MEMO1: variants seen among roughly 807,000 people sequenced by gnomAD.
MEMO1 encodes protein MEMO1.
In MEMO1, 6 loss-of-function variants were observed where a neutral mutation model predicts 45.2. The observed-to-expected ratio is 0.13, with a 90% CI of 0.07 to 0.26. The LOEUF is 0.26. Ranked by LOEUF, MEMO1 falls within the 10% of genes least tolerant of loss-of-function variation. The probability of loss-of-function intolerance (pLI) is 1.00; values close to 1 mark genes in which losing one functional copy is unlikely to be tolerated. For synonymous variants in MEMO1, 78 were observed against 124.3 expected (o/e 0.63, Z 2.48); for missense variants, 184 against 370.5 (o/e 0.50, Z 4.13).
intron 6 of MEMO1, chr2:31,893,343 G>A: frequency 1.7e-6 from 2 of 1,159,192 alleles, no homozygotes; most frequent in South Asian, 3.5e-5. Flanking sequence ...GAGAAAAAAA[G>A]GAAGCTGGCA....
At chr2:31,993,117 G>A (rs938050806) in intron 2 of MEMO1, among the ~76,000 whole-genome samples, 3 of 152,058 alleles carry the variant, frequency 2.0e-5, no homozygotes, top group Non-Finnish European at 2.9e-5. Context: ...AGACTGCAGC[G>A]AGCTATGACT....
rs910856122 is a variant in MEMO1, at chr2:31,920,706, A to G, written c.325+92T>C. The G allele has an allele frequency of 9.5e-6, 6 of 632,228 alleles. No homozygotes were observed. The African/African-American group carries it at 1.2e-4, about 12-fold the overall frequency. The allele number at this position is 632,228 out of a possible 1,614,324, so 39.2% of individuals were successfully genotyped here. A position where few individuals can be genotyped will look rare whatever the true frequency, so the allele number is the denominator to read the frequency against. On this transcript the variant is annotated intron_variant, in intron 5 of 9. Coordinates refer to ENST00000404530, the MANE Select transcript of MEMO1 (RefSeq NM_001301833.4). ...TTTTTATTTTAAATATTGAGATATT[A>G]CTTATGATATTCATAAGTTTTTAAA...
At chr2:31,988,536 ACT>A (rs932979136) in intron 2 of MEMO1, among the ~76,000 whole-genome samples, 10 of 152,060 alleles carry the variant, frequency 6.6e-5, no homozygotes, top group African/African-American at 2.4e-4. Context: ...ACAAAGCAAG[ACT>A]CTGTCTCGAA....
Position 31,867,968 on chromosome 2 carries a change from CTTT to C in MEMO1, c.*390_*392del, listed in dbSNP as rs372513207. On this transcript the variant is annotated 3_prime_UTR_variant, in exon 10 of 10. Coordinates refer to ENST00000404530, the MANE Select transcript of MEMO1 (RefSeq NM_001301833.4). ...AATTTCTTTATTAAAAAGCTTCCAC[CTTT>C]TTGTTTGTTTGTGTACAATTTGCAA... The C allele has an allele frequency of 0.013, 1,981 of 152,500 alleles. 34 individuals carry two copies. The highest frequency in any genetic ancestry group is 0.046 in the African/African-American group (1,901 of 41,374). 9.4% of individuals were successfully genotyped at this position (152,500 alleles called of 1,614,324 possible). A position where few individuals can be genotyped will look rare whatever the true frequency, so the allele number is the denominator to read the frequency against.
chr2:31,932,984 G>A (rs190071396), intron 3 of MEMO1, among the ~76,000 whole-genome samples: 111 of 151,746 alleles, frequency 7.3e-4, no homozygotes, highest in East Asian at 7.8e-4. Context: ...GGTCTCAAAA[G>A]GTATATGAAA....
At chr2:31,930,224 T>C (rs1050650221) in intron 4 of MEMO1, among the ~76,000 whole-genome samples, 8 of 152,244 alleles carry the variant, frequency 5.3e-5, no homozygotes, top group African/African-American at 1.7e-4. Context: ...ACTGCACCAC[T>C]GCACTCCAGC....
chr2:31,979,886 T>C (rs1670437578), intron 2 of MEMO1, among the ~76,000 whole-genome samples: 3 of 152,034 alleles, frequency 2.0e-5, no homozygotes. Context: ...TGTGAAATGT[T>C]ACTATGTAAT....
intron 2 of MEMO1, among the ~76,000 whole-genome samples, chr2:31,956,818 T>G (rs533014239): frequency 6.6e-6 from 1 of 152,286 alleles, no homozygotes; most frequent in Non-Finnish European, 1.5e-5. Context: ...TGTATTGGTT[T>G]GTATTTATGT....
intron 2 of MEMO1, chr2:31,963,260 T>C (rs765362241): frequency 1.3e-6 from 2 of 1,538,326 alleles, no homozygotes; most frequent in Non-Finnish European, 1.8e-6. Context: ...TCCAAATAAA[T>C]CTCTTTCTAT....
chr2:31,933,383 A>ATATATATATATATATATATG (rs1185585265), intron 3 of MEMO1, among the ~76,000 whole-genome samples: 5 of 112,658 alleles, frequency 4.4e-5, no homozygotes, highest in African/African-American at 1.6e-4. Flanking sequence ...ATATATATAT[A>ATATATATATATATATATATG]GAAAGGGGAA....
At chr2:31,893,967 T>C (rs901254857) in intron 6 of MEMO1, among the ~76,000 whole-genome samples, 2 of 152,096 alleles carry the variant, frequency 1.3e-5, no homozygotes, top group Non-Finnish European at 2.9e-5. Context: ...GTTCTCTATC[T>C]CCACAGACAA....
chr2:31,897,256 A>G (rs950900712), intron 6 of MEMO1, among the ~76,000 whole-genome samples: 1 of 152,222 alleles, frequency 6.6e-6, no homozygotes, highest in Non-Finnish European at 1.5e-5. Flanking sequence ...TTCCAATACT[A>G]TGTTGAATAG....
intron 8 of MEMO1, among the ~76,000 whole-genome samples, chr2:31,875,371 C>A (rs1674408993): frequency 6.6e-6 from 1 of 152,066 alleles, no homozygotes; most frequent in South Asian, 2.1e-4. Flanking sequence ...AGGGTCTCAG[C>A]AAATTTCAAC....
chr2:31,889,762 A>G (rs1457662875), intron 7 of MEMO1, among the ~76,000 whole-genome samples: 4 of 152,130 alleles, frequency 2.6e-5, no homozygotes, highest in Admixed American at 2.0e-4. Flanking sequence ...GGTGCTTTCC[A>G]TAAGTACAAA....
At chr2:31,988,482 G>A (rs1392108181) in intron 2 of MEMO1, among the ~76,000 whole-genome samples, 1 of 152,188 alleles carries the variant, frequency 6.6e-6, no homozygotes, top group Non-Finnish European at 1.5e-5. Flanking sequence ...AGGAGGCAGA[G>A]GTTGCAGTGA....
intron 4 of MEMO1, among the ~76,000 whole-genome samples, chr2:31,929,891 T>C (rs902089833): frequency 6.6e-6 from 1 of 152,244 alleles, no homozygotes; most frequent in Non-Finnish European, 1.5e-5. Context: ...ACTGTGACTG[T>C]CAATTATTAA....
At chr2:31,927,333 A>G (rs920071663) in intron 4 of MEMO1, among the ~76,000 whole-genome samples, 3 of 152,318 alleles carry the variant, frequency 2.0e-5, no homozygotes, top group Non-Finnish European at 2.9e-5. Flanking sequence ...AAATAAGTAC[A>G]AAAATTCATT....
At chr2:31,965,652 G>C (rs1470533054) in intron 2 of MEMO1, among the ~76,000 whole-genome samples, 4 of 152,166 alleles carry the variant, frequency 2.6e-5, no homozygotes. Flanking sequence ...AAAAAGGAAT[G>C]AGATCATGTC....
intron 2 of MEMO1, among the ~76,000 whole-genome samples, chr2:31,960,768 TAGAG>T (rs2148407266): frequency 6.6e-6 from 1 of 152,046 alleles, no homozygotes; most frequent in African/African-American, 2.4e-5. Flanking sequence ...GTATTTTTAG[TAGAG>T]AGAGTGTTTC....
Sources: gnomAD v4.1 joint callset for allele counts (sites outside exome capture counted in the v4.1 genomes callset) on GRCh38, gnomAD v4.1.1 for gene constraint, MANE v1.5 for transcripts, NCBI Gene and HGNC (gene_info 2026-07-23, HGNC 2026-07-21) for gene names.